The following PIEZO2 variants were observed in gnomAD, a reference collection of about 807,000 sequenced individuals.
PIEZO2 encodes the protein piezo-type mechanosensitive ion channel component 2.
Under a neutral mutation model 337.3 loss-of-function variants are expected in PIEZO2, and 172 were observed. That is an observed-to-expected ratio of 0.51 (90% CI 0.45 to 0.58). The LOEUF is 0.58. Ranked by LOEUF, PIEZO2 falls within the 20% of genes least tolerant of loss-of-function variation. The probability of loss-of-function intolerance (pLI) is 0.00; values close to 1 mark genes in which losing one functional copy is unlikely to be tolerated. For synonymous variants in PIEZO2, 1,251 were observed against 1,228.5 expected (o/e 1.02, Z -0.38); for missense variants, 3,028 against 3,391.3 (o/e 0.89, Z 2.66).
Position 10,862,027 on chromosome 18 carries a change from A to T in PIEZO2, c.493-4816T>A, listed in dbSNP as rs1347713957. Among the ~76,000 whole-genome samples the T allele has an allele frequency of 6.6e-6, 1 of 151,570 alleles. No homozygotes were observed. Among genetic ancestry groups the T allele is most frequent in the South Asian group, 2.1e-4 (1 of 4,820 alleles). ...AATGAGACTCAATCTCAAAAAAAAA[A>T]TTAATAAATAAAACAAAATAATAAA... On this transcript the variant is annotated intron_variant, in intron 5 of 55. Coordinates refer to ENST00000674853, the MANE Select transcript of PIEZO2 (RefSeq NM_001378183.1). This position sits in a 1 kb window ranked among gnomAD's most constrained non-coding sequence, Gnocchi z 4.4.
At chr18:10,998,102 C>A (rs2035394247) in intron 2 of PIEZO2, among the ~76,000 whole-genome samples, 2 of 152,078 alleles carry the variant, frequency 1.3e-5, no homozygotes, top group Non-Finnish European at 2.9e-5. Context: ...TACAGTGGAA[C>A]AATATCTTTA....
intron 52 of PIEZO2, among the ~76,000 whole-genome samples, 195 bp from the exon 53 acceptor site, chr18:10,678,070 G>A (rs568281918): frequency 5.9e-5 from 9 of 152,292 alleles, no homozygotes; most frequent in African/African-American, 2.2e-4. Context: ...AGAACCCAAG[G>A]AGGCCACAAA....
intron 7 of PIEZO2, among the ~76,000 whole-genome samples, chr18:10,812,821 C>A (rs899729411): frequency 6.6e-6 from 1 of 152,122 alleles, no homozygotes; most frequent in African/African-American, 2.4e-5. Flanking sequence ...ATTTATAAAA[C>A]CTCCACCTGT....
chr18:11,023,328 A>C (rs1488844747), intron 2 of PIEZO2, among the ~76,000 whole-genome samples: 8 of 152,138 alleles, frequency 5.3e-5, no homozygotes, highest in Admixed American at 5.2e-4. Flanking sequence ...TGAGCTAGAC[A>C]CAAAGGTTCT....
At position 10,973,082 on chromosome 18, in the gene PIEZO2, A is replaced by G. The variant is rs1568255127; in HGVS notation, c.286+6453T>C. On this transcript the variant is annotated intron_variant, in intron 3 of 55. Coordinates refer to ENST00000674853, the MANE Select transcript of PIEZO2 (RefSeq NM_001378183.1). The surrounding 1 kb of genome is among the most constrained non-coding windows in gnomAD (Gnocchi z 4.9). Reference sequence around the variant, plus strand: ...TAAATAGCATAAAAATTGTCATGAAAAATATTTGTCAGGATAAAATGAGAT... The same window carrying G: ...TAAATAGCATAAAAATTGTCATGAAGAATATTTGTCAGGATAAAATGAGAT... Among the ~76,000 whole-genome samples, 2 of 152,224 alleles carry G rather than the reference A, an allele frequency of 1.3e-5. No homozygotes were observed. The highest frequency in any genetic ancestry group is 2.9e-5 in the Non-Finnish European group (2 of 68,040).
rs2041373197 is a variant in PIEZO2, at chr18:10,846,625, T to C, written c.917+8728A>G. Among the ~76,000 whole-genome samples the C allele has an allele frequency of 6.6e-6, 1 of 152,214 alleles. No homozygotes were observed. Among genetic ancestry groups the C allele is most frequent in the Middle Eastern group, 3.4e-3 (1 of 294 alleles). The stretch of plus-strand genomic sequence containing the variant: ...GAACTGGGTCCTAGTGAGTCAGACA[T>C]ATGCATGAAGGGATTATTATGGCCC... On this transcript the variant is annotated intron_variant, in intron 7 of 55. Transcript: ENST00000674853. This position sits in a 1 kb window ranked among gnomAD's most constrained non-coding sequence, Gnocchi z 4.1.
intron 4 of PIEZO2, among the ~76,000 whole-genome samples, chr18:10,905,248 G>A (rs1426164987): frequency 6.6e-6 from 1 of 152,106 alleles, no homozygotes. Flanking sequence ...TAAGACAGAG[G>A]TACTGTGTAT....
chr18:10,895,440 C>T lies in PIEZO2; in HGVS notation c.329+15746G>A, dbSNP rs1026780208. Among the ~76,000 whole-genome samples, 2 of 151,712 alleles carry T rather than the reference C, an allele frequency of 1.3e-5. No individual in the cohort carries two copies. Among genetic ancestry groups the T allele is most frequent in the African/African-American group, 4.8e-5 (2 of 41,254 alleles). On this transcript the variant is annotated intron_variant, in intron 4 of 55. Transcript: ENST00000674853. This position sits in a 1 kb window ranked among gnomAD's most constrained non-coding sequence, Gnocchi z 4.8. ...CAGCCTGGGCAACAGAGCAAGACTC[C>T]GTCTCAAAAATAATAATAATAATAG...
chr18:11,072,111 T>C (rs538483401), intron 1 of PIEZO2, among the ~76,000 whole-genome samples: 5 of 152,266 alleles, frequency 3.3e-5, no homozygotes, highest in South Asian at 2.1e-4. Flanking sequence ...CCCTCAAGCC[T>C]ATGTCTCATC....
intron 47 of PIEZO2, 104 bp downstream of exon 47, chr18:10,695,970 C>T (rs967727556): frequency 4.4e-6 from 5 of 1,140,780 alleles, no homozygotes; most frequent in Admixed American, 1.8e-5. Flanking sequence ...TGCCAAGGCT[C>T]TGCCTGTGGC....
chr18:10,945,543 C>A lies in PIEZO2; in HGVS notation c.286+33992G>T, dbSNP rs8095513. ...CACCCCCAAGAGATCAAAACATTTC[C>A]AAATAACTTAACTGCATTTCAGAAC... On this transcript the variant is annotated intron_variant, in intron 3 of 55. Coordinates refer to ENST00000674853, the MANE Select transcript of PIEZO2 (RefSeq NM_001378183.1). This position sits in a 1 kb window ranked among gnomAD's most constrained non-coding sequence, Gnocchi z 4.0. Among the ~76,000 whole-genome samples, 28 of 151,888 alleles carry A rather than the reference C, an allele frequency of 1.8e-4. No individual in the cohort carries two copies. Among genetic ancestry groups the A allele is most frequent in the African/African-American group, 6.8e-4 (28 of 41,350 alleles).
rs2039757192 is a variant in PIEZO2 at position 11,112,222 on chromosome 18, G to T, written c.64+36303C>A. Among the ~76,000 whole-genome samples the T allele has an allele frequency of 6.6e-6, 1 of 152,174 alleles. No homozygotes were observed. Among genetic ancestry groups the T allele is most frequent in the African/African-American group, 2.4e-5 (1 of 41,436 alleles). ...TTGTATCTACAGGATCAGATATTCGGATATTTGTAAAGATAACGGTGACTT... is the reference window on the plus strand; with the variant it reads ...TTGTATCTACAGGATCAGATATTCGTATATTTGTAAAGATAACGGTGACTT... On this transcript the variant is annotated intron_variant, in intron 1 of 55. Coordinates refer to ENST00000674853, the MANE Select transcript of PIEZO2 (RefSeq NM_001378183.1). The surrounding 1 kb of genome is among the most constrained non-coding windows in gnomAD (Gnocchi z 4.3).
In PIEZO2 at chr18:10,794,681, C is replaced by G. The variant is rs779944709; in HGVS notation, c.1758+91G>C. Reference sequence around the variant, plus strand: ...TTTACAAAGCAGTGAATATTTGGAACCTGTTTTTATAAGGTTTCTCTTGGA... The same window carrying G: ...TTTACAAAGCAGTGAATATTTGGAAGCTGTTTTTATAAGGTTTCTCTTGGA... On this transcript the variant is annotated intron_variant, in intron 13 of 55. Transcript: ENST00000674853. The surrounding 1 kb of genome is among the most constrained non-coding windows in gnomAD (Gnocchi z 6.6). The G allele has an allele frequency of 4.2e-5, 43 of 1,035,622 alleles. No individual in the cohort carries two copies. The highest frequency in any genetic ancestry group is 5.7e-5 in the Non-Finnish European group (42 of 734,656). The allele number at this position is 1,035,622 out of a possible 1,614,324, so 64.2% of individuals were successfully genotyped here. A position where few individuals can be genotyped will look rare whatever the true frequency, so the allele number is the denominator to read the frequency against.
chr18:10,741,117 GTCCACA>G lies in PIEZO2; in HGVS notation c.4637-21_4637-16del. ...GTCTGCTTCTCCTAAAATAAAATAC[GTCCACA>G]TATTAATTCGTATAAAGTGAGAAAA... On this transcript the variant is annotated splice_polypyrimidine_tract_variant and intron_variant, in intron 32 of 55. Transcript: ENST00000674853. 1 of 1,530,128 alleles carries G rather than the reference GTCCACA, an allele frequency of 6.5e-7. No individual in the cohort carries two copies. The highest frequency in any genetic ancestry group is 1.7e-4 in the Middle Eastern group (1 of 5,930). The allele number at this position is 1,530,128 out of a possible 1,614,324, so 94.8% of individuals were successfully genotyped here. A position where few individuals can be genotyped will look rare whatever the true frequency, so the allele number is the denominator to read the frequency against.
intron 3 of PIEZO2, among the ~76,000 whole-genome samples, chr18:10,934,636 C>CGTGTGTGTGTGTGTGT (rs59190236): frequency 0.021 from 2,804 of 130,784 alleles, 104 homozygotes; most frequent in African/African-American, 0.025. Context: ...ATTGTGTGTA[C>CGTGTGTGTGTGTGTGT]GTGTGTGTGT....
chr18:10,771,252 G>C (rs2038594426), intron 20 of PIEZO2, among the ~76,000 whole-genome samples: 2 of 152,258 alleles, frequency 1.3e-5, no homozygotes, highest in African/African-American at 4.8e-5. Flanking sequence ...GGAAGAGCTT[G>C]CTCCTTGTCA....
chr18:11,127,856 C>T lies in PIEZO2; in HGVS notation c.64+20669G>A, dbSNP rs1465384885. On this transcript the variant is annotated intron_variant, in intron 1 of 55. Transcript: ENST00000674853. This position sits in a 1 kb window ranked among gnomAD's most constrained non-coding sequence, Gnocchi z 4.5. ...TATTAGTTCTCTTCCTCTAAGAGAA[C>T]CCTAATACAGATTTTGGTATCAGGA... is the stretch of plus-strand genomic sequence containing the variant. 6.8e-6 allele frequency among the ~76,000 whole-genome samples: 1 copy of T among 146,378 alleles called. No homozygotes were observed. Among genetic ancestry groups the T allele is most frequent in the African/African-American group, 2.5e-5 (1 of 39,316 alleles).
intron 4 of PIEZO2, among the ~76,000 whole-genome samples, chr18:10,907,990 A>G (rs1406635848): frequency 2.6e-5 from 4 of 152,272 alleles, no homozygotes; most frequent in African/African-American, 7.2e-5. Context: ...ACACTTCTGT[A>G]ATGAAGTCTT....
chr18:10,896,492 C>G (rs563484397), intron 4 of PIEZO2, among the ~76,000 whole-genome samples: 1 of 152,290 alleles, frequency 6.6e-6, no homozygotes, highest in African/African-American at 2.4e-5. Context: ...ATATATTTAA[C>G]TGGTCAGAGT....
Sources: gnomAD v4.1 joint callset for allele counts (sites outside exome capture counted in the v4.1 genomes callset) on GRCh38, gnomAD v4.1.1 for gene constraint, Gnocchi (gnomAD v3.1) non-coding constraint, MANE v1.5 for transcripts, NCBI Gene and HGNC (gene_info 2026-07-23, HGNC 2026-07-21) for gene names.